EVL: variants seen among roughly 807,000 people sequenced by gnomAD.
The protein encoded by EVL is Enah/Vasp-like.
A neutral mutation model predicts 59.6 loss-of-function variants in EVL; 21 were observed. The ratio of observed to expected loss-of-function variants is 0.35; its 90% CI spans 0.25 to 0.51. The LOEUF (loss-of-function observed/expected upper bound fraction) is 0.51, where lower values mean the gene tolerates loss of function less well. Among genes scored for constraint, EVL ranks in the 20% least tolerant of loss-of-function variants. EVL has a pLI of 0.97. For synonymous variants in EVL, 198 were observed against 203.5 expected (o/e 0.97, Z 0.23); for missense variants, 462 against 546.6 (o/e 0.85, Z 1.54).
At chr14:100,041,472 C>T (rs1288083931) in intron 1 of EVL, among the ~76,000 whole-genome samples, 3 of 152,190 alleles carry the variant, frequency 2.0e-5, no homozygotes, top group African/African-American at 7.2e-5. Flanking sequence ...GGGCAATTTC[C>T]TGTGGCCAAG....
intron 3 of EVL, among the ~76,000 whole-genome samples, chr14:100,121,682 G>T (rs1387100654): frequency 6.6e-6 from 1 of 152,200 alleles, no homozygotes; most frequent in Non-Finnish European, 1.5e-5. Flanking sequence ...TTGGGAGGGT[G>T]TTGGGAGGAC....
At chr14:99,981,121 A>G (rs2060803268) in intron 1 of EVL, among the ~76,000 whole-genome samples, 1 of 151,762 alleles carries the variant, frequency 6.6e-6, no homozygotes, top group Non-Finnish European at 1.5e-5. Flanking sequence ...TTTGGCTAGC[A>G]CTTCTGTTGA....
At chr14:99,987,202 C>T (rs1416615199) in intron 1 of EVL, among the ~76,000 whole-genome samples, 2 of 151,994 alleles carry the variant, frequency 1.3e-5, no homozygotes, top group Non-Finnish European at 2.9e-5. Context: ...TTATATTTTG[C>T]TATGGTCTAA....
In EVL at chr14:100,143,910, C is replaced by G. The variant is rs1889366655; in HGVS notation, c.*172C>G. ...ATGACAGTGAGGAAACCAAGTGCAA[C>G]TCCTGGGTTTTTTTAGATTCTGCCT... On this transcript the variant is annotated 3_prime_UTR_variant, in exon 14 of 14. Transcript: ENST00000392920. 2 of 698,272 alleles carry G rather than the reference C, an allele frequency of 2.9e-6. No homozygotes were observed. The highest frequency in any genetic ancestry group is 4.7e-6 in the Non-Finnish European group (2 of 430,018). The allele number at this position is 698,272 out of a possible 1,614,324, so 43.3% of individuals were successfully genotyped here.
At chr14:100,105,784 G>C (rs1886526681) in intron 3 of EVL, among the ~76,000 whole-genome samples, 2 of 152,086 alleles carry the variant, frequency 1.3e-5, no homozygotes, top group Non-Finnish European at 2.9e-5. Flanking sequence ...AGGAAGGGCT[G>C]TGATGGTGAC....
In EVL at chr14:100,137,579, G is replaced by A; in HGVS notation, c.966G>A (p.Glu322=). The part of the protein sequence containing the change: ...RAASQPPNSS[E]AGRKPWERSN... ...TTCATCCATGAAATGAACTGACAGA[G>A]GCTGGCCGGAAGCCCTGGGAGCGGA... The change falls in exon 10 of 14, where the codon GAG becomes GAA. Residue 322 remains glutamate, a splice_region_variant and synonymous_variant. Coordinates refer to ENST00000392920, the MANE Select transcript of EVL (RefSeq NM_016337.3). The A allele has an allele frequency of 6.2e-7, 1 of 1,613,942 alleles. No homozygotes were observed. The highest frequency in any genetic ancestry group is 8.5e-7 in the Non-Finnish European group (1 of 1,180,024).
chr14:100,027,587 T>C (rs1387109501), intron 1 of EVL, among the ~76,000 whole-genome samples: 1 of 152,210 alleles, frequency 6.6e-6, no homozygotes, highest in Non-Finnish European at 1.5e-5. Context: ...AGAATTTCAT[T>C]TTTTCTTATG....
In EVL at chr14:99,972,563, G is replaced by T. The variant is rs1000189171; in HGVS notation, c.5+506G>T. On this transcript the variant is annotated intron_variant, in intron 1 of 13. Transcript: ENST00000402714. This position sits in a 1 kb window ranked among gnomAD's most constrained non-coding sequence, Gnocchi z 4.4. ...ACAGGTGTAGTTTCCCCTCGACTTG[G>T]AGCCCGTCAACCCCTTCGTCTCCTA... 6.6e-6 allele frequency among the ~76,000 whole-genome samples: 1 copy of T among 152,142 alleles called. No individual in the cohort carries two copies. The highest frequency in any genetic ancestry group is 2.4e-5 in the African/African-American group (1 of 41,440).
At chr14:99,989,607 A>T (rs533458941) in intron 1 of EVL, among the ~76,000 whole-genome samples, 14 of 152,180 alleles carry the variant, frequency 9.2e-5, no homozygotes, top group South Asian at 6.2e-4. Flanking sequence ...TATTTTTTAT[A>T]CATCTTTTAC....
intron 1 of EVL, among the ~76,000 whole-genome samples, chr14:100,058,175 G>A (rs758517878): frequency 1.8e-4 from 27 of 152,200 alleles, no homozygotes; most frequent in Admixed American, 2.0e-4. Flanking sequence ...TAAGTAGAGT[G>A]TCTTCTAGTA....
At chr14:100,072,176 A>G (rs1226747508) in intron 1 of EVL, among the ~76,000 whole-genome samples, 3 of 152,224 alleles carry the variant, frequency 2.0e-5, no homozygotes, top group African/African-American at 7.2e-5. Flanking sequence ...GTAATCCATG[A>G]GCAGATCCTA....
rs1887211120 is a variant in EVL at position 100,114,601 on chromosome 14, C to T, written c.359-8938C>T. On this transcript the variant is annotated intron_variant, in intron 3 of 13. Coordinates refer to ENST00000392920, the MANE Select transcript of EVL (RefSeq NM_016337.3). The surrounding 1 kb of genome is among the most constrained non-coding windows in gnomAD (Gnocchi z 5.0). ...CGACAGAGGAGAAGAGGTAAGTGGC[C>T]CAGTACGAGAGGTGCCCCCGGCCTG... is the stretch of plus-strand genomic sequence containing the variant. 1 of 152,348 alleles carries T rather than the reference C, an allele frequency of 6.6e-6. No individual in the cohort carries two copies. The highest frequency in any genetic ancestry group is 2.4e-5 in the African/African-American group (1 of 41,456). 9.4% of individuals were successfully genotyped at this position (152,348 alleles called of 1,614,324 possible).
At chr14:100,026,030 T>C (rs1373954721) in intron 1 of EVL, among the ~76,000 whole-genome samples, 1 of 151,928 alleles carries the variant, frequency 6.6e-6, no homozygotes, top group Non-Finnish European at 1.5e-5. Context: ...GCGGATAGAT[T>C]GCTTGAGCCC....
At chr14:100,070,813 A>C (rs374862845) in intron 1 of EVL, among the ~76,000 whole-genome samples, 64 of 152,318 alleles carry the variant, frequency 4.2e-4, no homozygotes, top group African/African-American at 1.4e-3. Context: ...AACCTGTTCC[A>C]CTTCACAAGT....
At chr14:99,987,904 AAT>A (rs1491334155) in intron 1 of EVL, among the ~76,000 whole-genome samples, 61 of 139,502 alleles carry the variant, frequency 4.4e-4, no homozygotes, top group Non-Finnish European at 6.1e-4. Context: ...AAGACAACCC[AAT>A]TTTTTTTTTT....
At chr14:100,079,233 G>A (rs2140293467) in intron 1 of EVL, among the ~76,000 whole-genome samples, 1 of 152,352 alleles carries the variant, frequency 6.6e-6, no homozygotes, top group South Asian at 2.1e-4. Context: ...GAGAGAGAAG[G>A]CTGATGGTAA....
intron 1 of EVL, among the ~76,000 whole-genome samples, chr14:100,066,103 T>C (rs1052968040): frequency 2.6e-5 from 4 of 152,234 alleles, no homozygotes; most frequent in Non-Finnish European, 4.4e-5. Flanking sequence ...ATTTTGGACC[T>C]GCCTCTCCCC....
chr14:100,140,392 C>CG (rs1889091869), intron 11 of EVL: 1 of 152,248 alleles, frequency 6.6e-6, no homozygotes, highest in Admixed American at 6.5e-5. Flanking sequence ...GGGTGGATCT[C>CG]GTGAGGTCAG....
intron 1 of EVL, among the ~76,000 whole-genome samples, chr14:100,015,792 T>TG (rs1160613257): frequency 6.6e-6 from 1 of 152,208 alleles, no homozygotes; most frequent in African/African-American, 2.4e-5. Flanking sequence ...AATTATTGGC[T>TG]GGGCACAGTG....
Sources: allele counts gnomAD v4.1 joint callset (sites outside exome capture counted in the v4.1 genomes callset), GRCh38; gene constraint gnomAD v4.1.1; non-coding constraint Gnocchi (gnomAD v3.1); transcripts MANE v1.5; gene names NCBI Gene and HGNC (gene_info 2026-07-23, HGNC 2026-07-21).